ZFYVE9: variants seen among roughly 807,000 people sequenced by gnomAD.
ZFYVE9 encodes the protein zinc finger FYVE domain-containing protein 9.
A neutral mutation model predicts 126.7 loss-of-function variants in ZFYVE9; 43 were observed. That is an observed-to-expected ratio of 0.34 (90% CI 0.27 to 0.44). The LOEUF is 0.44. Among genes scored for constraint, ZFYVE9 ranks in the 20% least tolerant of loss-of-function variants. The probability of loss-of-function intolerance (pLI) is 1.00; values close to 1 mark genes in which losing one functional copy is unlikely to be tolerated. For synonymous variants in ZFYVE9, 521 were observed against 597.4 expected (o/e 0.87, Z 1.87); for missense variants, 1,476 against 1,697.0 (o/e 0.87, Z 2.29).
intron 4 of ZFYVE9, among the ~76,000 whole-genome samples, chr1:52,261,110 TC>T (rs1358419660): frequency 6.6e-6 from 1 of 152,166 alleles, no homozygotes; most frequent in Non-Finnish European, 1.5e-5. Context: ...TCCTAAATCT[TC>T]CCTGACCTTG....
At chr1:52,237,412 A>G in intron 3 of ZFYVE9, 76 bp from the exon 4 acceptor site, 2 of 1,266,420 alleles carry the variant, frequency 1.6e-6, no homozygotes, top group Non-Finnish European at 2.2e-6. Context: ...AACGATAGTT[A>G]GAAATGTTAT....
intron 13 of ZFYVE9, among the ~76,000 whole-genome samples, chr1:52,318,366 TTGTATGTGTGTGTGTGTGTGTGTGTGTG>T (rs942154053): frequency 6.0e-5 from 5 of 83,914 alleles, no homozygotes; most frequent in African/African-American, 2.1e-4. Flanking sequence ...GAGAGCATGA[TTGTATGTGTGTGTGTGTGTGTGTGTGTG>T]TGTGTGTGTG....
At position 52,293,438 on chromosome 1, in the gene ZFYVE9, C is replaced by CT; in HGVS notation, c.3026-9dup. 8.8e-7 allele frequency: 1 copy of CT among 1,132,350 alleles called. No individual in the cohort carries two copies. Among genetic ancestry groups the CT allele is most frequent in the East Asian group, 3.2e-5 (1 of 30,952 alleles). The allele number at this position is 1,132,350 out of a possible 1,614,324, so 70.1% of individuals were successfully genotyped here. On this transcript the variant is annotated splice_polypyrimidine_tract_variant and intron_variant, in intron 10 of 18. Coordinates refer to ENST00000287727, the MANE Select transcript of ZFYVE9 (RefSeq NM_004799.4). ...TTATTGATACAAAGTAGCTAATAAA[C>CT]TTTTTTGTTTTTAGGGAATGTGGTG...
intron 14 of ZFYVE9, among the ~76,000 whole-genome samples, chr1:52,333,995 A>C (rs369908140): frequency 1.1e-4 from 17 of 151,710 alleles, no homozygotes; most frequent in East Asian, 9.7e-4. Context: ...CGGGAGGCTG[A>C]GGCAGGAGAA....
chr1:52,340,547 C>T (rs897813578), intron 17 of ZFYVE9, among the ~76,000 whole-genome samples: 11 of 152,246 alleles, frequency 7.2e-5, no homozygotes, highest in African/African-American at 2.6e-4. Flanking sequence ...GTCAGTTATT[C>T]TGTACTTATA....
chr1:52,157,165 G>A (rs574514238), intron 1 of ZFYVE9, among the ~76,000 whole-genome samples: 1 of 152,074 alleles, frequency 6.6e-6, no homozygotes, highest in East Asian at 1.9e-4. Flanking sequence ...TGAGTAAATG[G>A]CCATAGGTTC....
At chr1:52,258,896 T>C (rs928980648) in intron 4 of ZFYVE9, among the ~76,000 whole-genome samples, 3 of 140,764 alleles carry the variant, frequency 2.1e-5, no homozygotes, top group Admixed American at 2.1e-4. Context: ...CCTTGCTTGC[T>C]TTTTTTTTTT....
chr1:52,327,581 C>T (rs2762823), intron 13 of ZFYVE9, among the ~76,000 whole-genome samples: 123,262 of 151,286 alleles, frequency 0.81, 52,442 homozygotes, highest in Non-Finnish European at 0.93. Flanking sequence ...CCAGCCTGAG[C>T]GACAGAGGGA....
At chr1:52,300,933 C>G (rs1209744900) in intron 12 of ZFYVE9, among the ~76,000 whole-genome samples, 1 of 151,106 alleles carries the variant, frequency 6.6e-6, no homozygotes, top group Non-Finnish European at 1.5e-5. Context: ...AATCTCGGCT[C>G]ACTGCAACTT....
At position 52,293,577 on chromosome 1, in the gene ZFYVE9, C is replaced by G; in HGVS notation, c.3150C>G (p.Thr1050=). 2 of 1,614,020 alleles carry G rather than the reference C, an allele frequency of 1.2e-6. No individual in the cohort carries two copies. Among genetic ancestry groups the G allele is most frequent in the East Asian group, 2.2e-5 (1 of 44,862 alleles). ...YQSLQDLVLP[T]PPYLFGILIQ... ...CACTGCAAGACCTAGTACTCCCAAC[C>G]CCACCTTACTTGTTTGGGATTCTTA... Residue 1050 remains threonine (T), a synonymous_variant, in exon 11 of 19, where the codon ACC becomes ACG. Coordinates refer to ENST00000287727, the MANE Select transcript of ZFYVE9 (RefSeq NM_004799.4).
At chr1:52,298,446 T>C (rs1645998943) in intron 12 of ZFYVE9, among the ~76,000 whole-genome samples, 1 of 152,150 alleles carries the variant, frequency 6.6e-6, no homozygotes, top group Non-Finnish European at 1.5e-5. Context: ...TGTCGAAAAT[T>C]AGTTGGCTGT....
In ZFYVE9 at chr1:52,161,447, G is replaced by A. The variant is rs556967937; in HGVS notation, c.-143+19044G>A. Among the ~76,000 whole-genome samples, 4 of 152,108 alleles carry A rather than the reference G, an allele frequency of 2.6e-5. No individual in the cohort carries two copies. The South Asian group carries it at 8.3e-4, about 32-fold the overall frequency. Reference sequence around the variant, plus strand: ...TGGGACAGCAAGCACGCACTACCACGCCCAGCTAATTTTTTGTATTTTTAG... The same window carrying A: ...TGGGACAGCAAGCACGCACTACCACACCCAGCTAATTTTTTGTATTTTTAG... On this transcript the variant is annotated intron_variant, in intron 1 of 18. Coordinates refer to ENST00000287727, the MANE Select transcript of ZFYVE9 (RefSeq NM_004799.4).
chr1:52,268,750 G>A lies in ZFYVE9; in HGVS notation c.2625+118G>A, dbSNP rs374071085. 3.1e-5 allele frequency: 38 copies of A among 1,207,730 alleles called. No homozygotes were observed. The East Asian group carries it at 3.9e-4, about 12-fold the overall frequency. 74.8% of individuals were successfully genotyped at this position (1,207,730 alleles called of 1,614,324 possible). Reference sequence around the variant, plus strand: ...GTTTTGGATACAACTTAGTGTATACGTGCACATATATGGATAAAGTAAATG... The same window carrying A: ...GTTTTGGATACAACTTAGTGTATACATGCACATATATGGATAAAGTAAATG... On this transcript the variant is annotated intron_variant, in intron 7 of 18. Coordinates refer to ENST00000287727, the MANE Select transcript of ZFYVE9 (RefSeq NM_004799.4).
intron 13 of ZFYVE9, among the ~76,000 whole-genome samples, chr1:52,305,893 C>G (rs1322445199): frequency 6.6e-6 from 1 of 152,214 alleles, no homozygotes; most frequent in Non-Finnish European, 1.5e-5. Flanking sequence ...CACCAGTGCC[C>G]TGCCGCCTTG....
rs141048563 is a variant in ZFYVE9 at position 52,195,718 on chromosome 1, T to C, written c.-142-20651T>C. Among the ~76,000 whole-genome samples, 385 of 152,300 alleles carry C rather than the reference T, an allele frequency of 2.5e-3. 2 individuals carry two copies. The highest frequency in any genetic ancestry group is 8.3e-3 in the African/African-American group (346 of 41,572). ...TTATTTTGGACACAGAGTATTAATG[T>C]ATTAACTAGTTTATGAAAGTTTTTG... On this transcript the variant is annotated intron_variant, in intron 1 of 18. Transcript: ENST00000287727.
intron 2 of ZFYVE9, among the ~76,000 whole-genome samples, chr1:52,219,749 T>TTTTGTG (rs1553126028): frequency 8.8e-6 from 1 of 113,274 alleles, no homozygotes; most frequent in Non-Finnish European, 1.8e-5. Flanking sequence ...CCAAGATCTT[T>TTTTGTG]TGTGTGTGTG....
In ZFYVE9 at chr1:52,222,918, C is replaced by T. The variant is rs576504591; in HGVS notation, c.-37+6444C>T. ...GGAATTAATAAGAACTTAGTAGTGG[C>T]CGACTTATTCTTATATTTGACTTTG... On this transcript the variant is annotated intron_variant, in intron 2 of 18. Coordinates refer to ENST00000287727, the MANE Select transcript of ZFYVE9 (RefSeq NM_004799.4). Among the ~76,000 whole-genome samples the T allele has an allele frequency of 1.2e-3, 183 of 152,264 alleles. 1 individual carries two copies. The highest frequency in any genetic ancestry group is 2.1e-3 in the Non-Finnish European group (140 of 68,032).
intron 1 of ZFYVE9, chr1:52,150,153 G>A (rs1264005102): frequency 7.2e-5 from 11 of 152,254 alleles, no homozygotes; most frequent in Admixed American, 7.2e-4. Flanking sequence ...GGGAGGCTGA[G>A]GCGGGAAGAT....
intron 1 of ZFYVE9, among the ~76,000 whole-genome samples, chr1:52,211,197 G>GTTA (rs1645025580): frequency 6.6e-6 from 1 of 152,108 alleles, no homozygotes; most frequent in East Asian, 1.9e-4. Context: ...TTTCCCCTTT[G>GTTA]TTATACTCCA....
Sources: allele counts gnomAD v4.1 joint callset (sites outside exome capture counted in the v4.1 genomes callset), GRCh38; gene constraint gnomAD v4.1.1; transcripts MANE v1.5; gene names NCBI Gene and HGNC (gene_info 2026-07-23, HGNC 2026-07-21).